RFFL: variants seen among roughly 807,000 people sequenced by gnomAD.
The protein encoded by RFFL is E3 ubiquitin-protein ligase rififylin.
A neutral mutation model predicts 40.4 loss-of-function variants in RFFL; 16 were observed. The observed-to-expected ratio is 0.40, with a 90% CI of 0.27 to 0.60. The LOEUF is 0.60. Among genes scored for constraint, RFFL ranks in the 20% least tolerant of loss-of-function variants. The probability of loss-of-function intolerance (pLI) is 0.47; values close to 1 mark genes in which losing one functional copy is unlikely to be tolerated. For synonymous variants in RFFL, 154 were observed against 167.9 expected (o/e 0.92, Z 0.64); for missense variants, 367 against 451.7 (o/e 0.81, Z 1.70).
intron 1 of RFFL, among the ~76,000 whole-genome samples, chr17:35,085,597 T>A (rs960115621): frequency 4.6e-5 from 7 of 152,134 alleles, no homozygotes; most frequent in African/African-American, 1.7e-4. Context: ...GCCCGGCTAA[T>A]TTTGTGTTTT....
At chr17:35,057,163 C>T (rs551194687) in intron 1 of RFFL, among the ~76,000 whole-genome samples, 14 of 152,088 alleles carry the variant, frequency 9.2e-5, no homozygotes, top group African/African-American at 3.4e-4. Context: ...AGGTGATCCA[C>T]CTGCCTCAGC....
At chr17:35,055,670 TC>T (rs2091256460) in intron 1 of RFFL, among the ~76,000 whole-genome samples, 1 of 122,102 alleles carries the variant, frequency 8.2e-6, no homozygotes, top group South Asian at 2.4e-4. Context: ...AAACTCCATC[TC>T]AAAAAAAAAC....
At chr17:35,068,218 C>T (rs1043196052), upstream of RFFL, among the ~76,000 whole-genome samples, 2 of 152,122 alleles carry the variant, frequency 1.3e-5, no homozygotes, top group African/African-American at 2.4e-5. Flanking sequence ...CCAATTTTGC[C>T]CAGAAATTCA....
intron 1 of RFFL, among the ~76,000 whole-genome samples, chr17:35,045,174 G>A (rs933632269): frequency 5.9e-5 from 9 of 152,102 alleles, no homozygotes; most frequent in Non-Finnish European, 1.0e-4. Flanking sequence ...TACATTCTGG[G>A]GGAAAGAGCA....
At chr17:35,087,248 G>C (rs1049806186) in intron 1 of RFFL, among the ~76,000 whole-genome samples, 1 of 152,056 alleles carries the variant, frequency 6.6e-6, no homozygotes, top group African/African-American at 2.4e-5. Flanking sequence ...CTACTCAGGA[G>C]GCTGAGAAGG....
intron 1 of RFFL, among the ~76,000 whole-genome samples, chr17:35,082,510 T>C (rs1163840598): frequency 6.6e-6 from 1 of 152,240 alleles, no homozygotes; most frequent in East Asian, 1.9e-4. Flanking sequence ...TTTAAAGTGT[T>C]GCTAATTGTC....
chr17:35,088,010 A>C (rs1305795434), intron 1 of RFFL, among the ~76,000 whole-genome samples: 1 of 152,124 alleles, frequency 6.6e-6, no homozygotes, highest in East Asian at 1.9e-4. Flanking sequence ...GGTATAATAA[A>C]CGGGCAGCCC....
intron 1 of RFFL, among the ~76,000 whole-genome samples, chr17:35,041,719 A>G (rs962822585): frequency 1.3e-5 from 2 of 152,092 alleles, no homozygotes; most frequent in African/African-American, 2.4e-5. Context: ...GCTAAAAATT[A>G]TAATTCTAAA....
chr17:35,047,206 C>T (rs1487560058), intron 1 of RFFL, among the ~76,000 whole-genome samples: 1 of 152,020 alleles, frequency 6.6e-6, no homozygotes, highest in Non-Finnish European at 1.5e-5. Flanking sequence ...TAAATGAAGG[C>T]AGGGACTAGG....
chr17:35,032,031 C>T (rs1225288146), intron 1 of RFFL, among the ~76,000 whole-genome samples: 23 of 149,868 alleles, frequency 1.5e-4, no homozygotes, highest in Non-Finnish European at 2.7e-4. Flanking sequence ...GGAGGCGGAG[C>T]TTGCAGAGAG....
At position 35,023,823 on chromosome 17, in the gene RFFL, G is replaced by C. The variant is rs1024561824; in HGVS notation, c.181-2042C>G. 1.6e-4 allele frequency among the ~76,000 whole-genome samples: 25 copies of C among 152,290 alleles called. No homozygotes were observed. In the East Asian group the frequency reaches 4.8e-3, roughly 29 times the overall value. ...AGATCAGAATGCAGACAACAACCTAGCTTCTATGCACCCGCTGGCTCACAG... is the reference window on the plus strand; with the variant it reads ...AGATCAGAATGCAGACAACAACCTACCTTCTATGCACCCGCTGGCTCACAG... On this transcript the variant is annotated intron_variant, in intron 2 of 6. Transcript: ENST00000394597.
chr17:35,058,218 AT>A (rs2091271335), intron 1 of RFFL, among the ~76,000 whole-genome samples: 1 of 151,806 alleles, frequency 6.6e-6, no homozygotes, highest in South Asian at 2.1e-4. Flanking sequence ...ATATCTATCT[AT>A]CCCCCCCCAC....
chr17:35,045,915 A>C (rs1187607008), intron 1 of RFFL, among the ~76,000 whole-genome samples: 2 of 151,462 alleles, frequency 1.3e-5, no homozygotes, highest in African/African-American at 4.9e-5. Flanking sequence ...AGTCCCAGCT[A>C]CTCGGGAGGC....
intron 2 of RFFL, among the ~76,000 whole-genome samples, chr17:35,024,211 C>T (rs758685439): frequency 6.6e-6 from 1 of 152,144 alleles, no homozygotes; most frequent in Non-Finnish European, 1.5e-5. Context: ...TGCCAACTGC[C>T]CTTCCCTTGC....
chr17:35,071,795 T>A (rs1005600450), intron 1 of RFFL, among the ~76,000 whole-genome samples: 1 of 152,132 alleles, frequency 6.6e-6, no homozygotes, highest in Non-Finnish European at 1.5e-5. Flanking sequence ...CCCAAACTGG[T>A]AACAACTAAA....
chr17:35,014,312 C>A (rs962424676), intron 6 of RFFL, among the ~76,000 whole-genome samples: 1 of 152,124 alleles, frequency 6.6e-6, no homozygotes, highest in African/African-American at 2.4e-5. Context: ...CAGGTCACCA[C>A]CCTTTCTTTT....
intron 1 of RFFL, among the ~76,000 whole-genome samples, chr17:35,087,182 C>A (rs2091435050): frequency 6.6e-6 from 1 of 152,104 alleles, no homozygotes; most frequent in Non-Finnish European, 1.5e-5. Context: ...AAAACCTCAT[C>A]TCTACAGAAA....
chr17:35,029,575 C>T (rs1157084314), intron 1 of RFFL, among the ~76,000 whole-genome samples: 1 of 147,094 alleles, frequency 6.8e-6, no homozygotes, highest in Non-Finnish European at 1.5e-5. Context: ...GGCTGGAGTG[C>T]AGTGGCATGA....
intron 1 of RFFL, chr17:35,069,383 G>C (rs2091335947): frequency 2.2e-6 from 1 of 455,998 alleles, no homozygotes; most frequent in Middle Eastern, 3.3e-4. Flanking sequence ...AAGATTACCT[G>C]TTCACCTACA....
Sources: gnomAD v4.1 joint callset for allele counts (sites outside exome capture counted in the v4.1 genomes callset) on GRCh38, gnomAD v4.1.1 for gene constraint, MANE v1.5 for transcripts, NCBI Gene and HGNC (gene_info 2026-07-23, HGNC 2026-07-21) for gene names.